The following SNX24 variants were observed in gnomAD, a reference collection of about 807,000 sequenced individuals.
SNX24 encodes sorting nexin-24.
A neutral mutation model predicts 28.7 loss-of-function variants in SNX24; 22 were observed. The observed-to-expected ratio is 0.77, with a 90% confidence interval of 0.55 to 1.10. SNX24 has a LOEUF of 1.10. Ranked by LOEUF, SNX24 falls within the 50% of genes least tolerant of loss-of-function variation. The probability of loss-of-function intolerance (pLI) is 0.00; values close to 1 mark genes in which losing one functional copy is unlikely to be tolerated. For missense variants in SNX24, 221 were observed against 201.1 expected (o/e 1.10, Z -0.60); for synonymous variants, 69 against 71.5 (o/e 0.96, Z 0.18).
intron 1 of SNX24, among the ~76,000 whole-genome samples, chr5:122,863,716 T>G (rs768280197): frequency 6.6e-6 from 1 of 151,896 alleles, no homozygotes; most frequent in Non-Finnish European, 1.5e-5. Flanking sequence ...CTATCACACC[T>G]GGCTAATTTT....
chr5:122,986,826 CAGAT>C (rs1489981213), intron 3 of SNX24, among the ~76,000 whole-genome samples: 1 of 107,588 alleles, frequency 9.3e-6, no homozygotes, highest in Non-Finnish European at 1.7e-5. Flanking sequence ...GGTGAAGAGA[CAGAT>C]AGGTAAATGC....
In SNX24 at chr5:123,001,991, G is replaced by C. The variant is rs1489614107; in HGVS notation, c.429G>C (p.Leu143Phe). The change falls in exon 6 of 7, where the codon TTG becomes TTC. Residue 143 changes from leucine (L) to phenylalanine (F), a missense_variant. Physicochemically the swap from Leu to Phe is conservative, Grantham distance 22 (BLOSUM62 0). Transcript: ENST00000261369. ...TGTTCCTCAGGGATCCATATGTCTTGCCTGCAGCCAGCGGTAATCAAACCT... is the reference window on the plus strand; with the variant it reads ...TGTTCCTCAGGGATCCATATGTCTTCCCTGCAGCCAGCGGTAATCAAACCT... ...VLLFLRDPYVLPAASDFPNVV... is the reference protein window; with the variant it reads ...VLLFLRDPYVFPAASDFPNVV... 6.2e-7 allele frequency: 1 copy of C among 1,613,862 alleles called. No individual in the cohort carries two copies. Among genetic ancestry groups the C allele is most frequent in the Non-Finnish European group, 8.5e-7 (1 of 1,179,912 alleles).
chr5:122,933,338 C>G (rs779439759), intron 1 of SNX24, among the ~76,000 whole-genome samples: 1 of 152,198 alleles, frequency 6.6e-6, no homozygotes, highest in Non-Finnish European at 1.5e-5. Context: ...CCCAATCTCA[C>G]GTGCCGATTG....
At chr5:122,927,864 A>T (rs1161540660) in intron 1 of SNX24, among the ~76,000 whole-genome samples, 1 of 152,096 alleles carries the variant, frequency 6.6e-6, no homozygotes, top group African/African-American at 2.4e-5. Flanking sequence ...TGCATCTCAA[A>T]CTTAGTGTGG....
intron 1 of SNX24, among the ~76,000 whole-genome samples, chr5:122,905,568 C>G (rs246279): frequency 0.81 from 123,632 of 152,184 alleles, 51,112 homozygotes; most frequent in East Asian, 0.99. Context: ...TTTCAAATTT[C>G]GGATGCTCAA....
At chr5:122,860,817 C>T (rs989222202) in intron 1 of SNX24, among the ~76,000 whole-genome samples, 3 of 151,880 alleles carry the variant, frequency 2.0e-5, no homozygotes, top group Non-Finnish European at 2.9e-5. Context: ...AGGATGGTCT[C>T]GATTTCCTGA....
chr5:123,008,787 A>T lies in SNX24; in HGVS notation c.*1038A>T. ...TTTCACTGACCTCATTTGTTGAGTTAATGTAAGTTAAATGTGTTTATGATA... is the reference window on the plus strand; with the variant it reads ...TTTCACTGACCTCATTTGTTGAGTTTATGTAAGTTAAATGTGTTTATGATA... On this transcript the variant is annotated 3_prime_UTR_variant, in exon 7 of 7. Transcript: ENST00000261369. 1.3e-6 allele frequency: 1 copy of T among 777,654 alleles called. No homozygotes were observed. The highest frequency in any genetic ancestry group is 1.6e-6 in the Non-Finnish European group (1 of 640,236). The allele number at this position is 777,654 out of a possible 1,614,324, so 48.2% of individuals were successfully genotyped here. A position where few individuals can be genotyped will look rare whatever the true frequency, so the allele number is the denominator to read the frequency against.
chr5:122,983,764 CCT>C (rs68012243), intron 3 of SNX24, among the ~76,000 whole-genome samples: 33,786 of 151,914 alleles, frequency 0.22, 4,778 homozygotes, highest in Non-Finnish European at 0.33. Context: ...GCAACCATGC[CCT>C]GTTAATTTTT....
At chr5:122,946,557 C>T (rs1358589334) in intron 3 of SNX24, among the ~76,000 whole-genome samples, 1 of 152,102 alleles carries the variant, frequency 6.6e-6, no homozygotes, top group Non-Finnish European at 1.5e-5. Context: ...ACTGAACTCA[C>T]AGCGGGCCTG....
intron 1 of SNX24, among the ~76,000 whole-genome samples, chr5:122,917,472 A>C (rs1055693381): frequency 6.6e-6 from 1 of 152,118 alleles, no homozygotes; most frequent in Non-Finnish European, 1.5e-5. Context: ...CCAAAGGAAT[A>C]AGCATGTTGT....
chr5:123,008,083 T>G lies in SNX24; in HGVS notation c.*334T>G. On this transcript the variant is annotated 3_prime_UTR_variant, in exon 7 of 7. Coordinates refer to ENST00000261369, the MANE Select transcript of SNX24 (RefSeq NM_014035.4). Reference sequence around the variant, plus strand: ...GCCACTCTCTGCTTCAGTCGCACCATTTGCTAATTGAAAATCATATCCTGA... The same window carrying G: ...GCCACTCTCTGCTTCAGTCGCACCAGTTGCTAATTGAAAATCATATCCTGA... 1 of 1,045,626 alleles carries G rather than the reference T, an allele frequency of 9.6e-7. No homozygotes were observed. Among genetic ancestry groups the G allele is most frequent in the Non-Finnish European group, 1.2e-6 (1 of 868,980 alleles). 64.8% of individuals were successfully genotyped at this position (1,045,626 alleles called of 1,614,324 possible).
intron 2 of SNX24, among the ~76,000 whole-genome samples, chr5:122,944,466 A>T (rs917387963): frequency 6.6e-6 from 1 of 152,154 alleles, no homozygotes; most frequent in South Asian, 2.1e-4. Flanking sequence ...GGAAATGAAT[A>T]TTGGCTAAGC....
intron 2 of SNX24, among the ~76,000 whole-genome samples, chr5:122,938,076 C>T (rs35247261): frequency 1.3e-5 from 2 of 152,088 alleles, no homozygotes; most frequent in African/African-American, 4.8e-5. Context: ...AAGTCAACAC[C>T]TAGGACTCCA....
intron 3 of SNX24, among the ~76,000 whole-genome samples, chr5:122,967,495 C>T (rs932993180): frequency 1.2e-4 from 18 of 152,168 alleles, no homozygotes; most frequent in African/African-American, 4.3e-4. Flanking sequence ...AGCGTGTCTC[C>T]AAGGTGGACC....
chr5:123,023,299 C>T (rs1762789214), intron 5 of SNX24: 1 of 152,192 alleles, frequency 6.6e-6, no homozygotes, highest in Non-Finnish European at 1.5e-5. Context: ...TCTTTCTAAT[C>T]TGTTCACTGT....
intron 3 of SNX24, among the ~76,000 whole-genome samples, chr5:122,988,951 C>T (rs959952053): frequency 6.6e-6 from 1 of 152,046 alleles, no homozygotes; most frequent in Non-Finnish European, 1.5e-5. Context: ...TTAAAAATAG[C>T]ATATCAACGT....
rs1491532504 is a variant in SNX24 at position 122,854,527 on chromosome 5, A to AG, written c.60+8834_60+8835insG. 4.7e-5 allele frequency among the ~76,000 whole-genome samples: 6 copies of AG among 127,824 alleles called. No individual in the cohort carries two copies. In the East Asian group the frequency reaches 6.4e-4, roughly 14 times the overall value. The allele number at this position is 127,824 out of a possible 152,430, so 83.9% of individuals were successfully genotyped here. ...TGTCTCAAAAAAACAAAAAAAAAAA[A>AG]CAAAAAAAAAAACATAGTGTTACTT... On this transcript the variant is annotated intron_variant, in intron 1 of 6. Coordinates refer to ENST00000261369, the MANE Select transcript of SNX24 (RefSeq NM_014035.4).
At chr5:122,973,139 G>A (rs985505965) in intron 3 of SNX24, among the ~76,000 whole-genome samples, 3 of 152,196 alleles carry the variant, frequency 2.0e-5, no homozygotes, top group Admixed American at 6.5e-5. Context: ...TATCTTCACA[G>A]GTTTTGACCA....
downstream of SNX24, among the ~76,000 whole-genome samples, chr5:123,013,938 T>C (rs539247219): frequency 6.6e-6 from 1 of 152,266 alleles, no homozygotes; most frequent in East Asian, 1.9e-4. Flanking sequence ...TTAATAAAAA[T>C]AGTAGCTAAC....
Sources: gnomAD v4.1 joint callset for allele counts (sites outside exome capture counted in the v4.1 genomes callset) on GRCh38, gnomAD v4.1.1 for gene constraint, MANE v1.5 for transcripts, NCBI Gene and HGNC (gene_info 2026-07-23, HGNC 2026-07-21) for gene names.